DLG2: variants seen among roughly 807,000 people sequenced by gnomAD.
DLG2 encodes discs large MAGUK scaffold protein 2.
Under a neutral mutation model 132.5 loss-of-function variants are expected in DLG2, and 45 were observed. That is an observed-to-expected ratio of 0.34 (90% confidence interval 0.27 to 0.44). The LOEUF (loss-of-function observed/expected upper bound fraction) is 0.44, where lower values mean the gene tolerates loss of function less well. Among genes scored for constraint, DLG2 ranks in the 20% least tolerant of loss-of-function variants. DLG2 has a pLI of 1.00. For missense variants in DLG2, 1,045 were observed against 1,196.9 expected, an observed-to-expected ratio of 0.87 and a Z score of 1.87; for synonymous variants, 424 against 419.6, an observed-to-expected ratio of 1.01 and a Z score of -0.13.
chr11:84,528,261 T>C (rs2099327460), intron 7 of DLG2, among the ~76,000 whole-genome samples: 1 of 152,132 alleles, frequency 6.6e-6, no homozygotes, highest in African/African-American at 2.4e-5. Flanking sequence ...ATCCCCACCT[T>C]GAGGAAAGGA....
At chr11:85,058,763 T>C (rs1183918613) in intron 6 of DLG2, among the ~76,000 whole-genome samples, 1 of 151,378 alleles carries the variant, frequency 6.6e-6, no homozygotes, top group Non-Finnish European at 1.5e-5. Context: ...TATACTATAA[T>C]TAAATGGGGG....
At chr11:83,507,137 C>T (rs2094745942) in intron 21 of DLG2, among the ~76,000 whole-genome samples, 1 of 152,112 alleles carries the variant, frequency 6.6e-6, no homozygotes, top group Non-Finnish European at 1.5e-5. Context: ...AACTCCTTGC[C>T]TCTCACAAAT....
At chr11:84,846,411 T>G (rs113083358) in intron 6 of DLG2, among the ~76,000 whole-genome samples, 4,681 of 152,278 alleles carry the variant, frequency 0.031, 106 homozygotes, top group Non-Finnish European at 0.048. Flanking sequence ...TCCCTATTAC[T>G]CATCCTTCAC....
intron 6 of DLG2, among the ~76,000 whole-genome samples, chr11:84,610,663 C>T (rs2099593800): frequency 6.6e-6 from 1 of 152,114 alleles, no homozygotes; most frequent in Non-Finnish European, 1.5e-5. Flanking sequence ...TGACAGTGTC[C>T]TTGCCCTCCT....
intron 18 of DLG2, among the ~76,000 whole-genome samples, chr11:83,762,444 G>A (rs1400020467): frequency 6.6e-6 from 1 of 152,124 alleles, no homozygotes; most frequent in African/African-American, 2.4e-5. Context: ...CTCACATTTT[G>A]TTCTAAAGAT....
intron 4 of DLG2, among the ~76,000 whole-genome samples, chr11:85,176,334 G>T (rs1016389140): frequency 6.6e-6 from 1 of 152,008 alleles, no homozygotes; most frequent in African/African-American, 2.4e-5. Flanking sequence ...TCTGACCTTC[G>T]ACAAACCTGA....
rs181352232 is a variant in DLG2 at position 84,726,851 on chromosome 11, C to A, written c.358-192120G>T. 3.3e-5 allele frequency among the ~76,000 whole-genome samples: 5 copies of A among 152,276 alleles called. No individual in the cohort carries two copies. In the East Asian group the frequency reaches 9.7e-4, roughly 29 times the overall value. On this transcript the variant is annotated intron_variant, in intron 6 of 27. Transcript: ENST00000376104. ...GTTTTGATTTGCATTTCTCTAATAACCAGTGATAATGAGCATTTTTCATAT... is the reference window on the plus strand; with the variant it reads ...GTTTTGATTTGCATTTCTCTAATAAACAGTGATAATGAGCATTTTTCATAT...
Position 84,004,918 on chromosome 11 carries a change from G to A in DLG2, c.920-24276C>T, listed in dbSNP as rs375522204. On this transcript the variant is annotated intron_variant, in intron 11 of 27. Coordinates refer to ENST00000376104, the MANE Select transcript of DLG2 (RefSeq NM_001142699.3). ...GAGTCATTTTTTTTTACAGAAATGA[G>A]AAAAAGAATTCTAAAATTTATATAG... Among the ~76,000 whole-genome samples the A allele has an allele frequency of 3.2e-4, 36 of 112,242 alleles. No homozygotes were observed. The East Asian group carries it at 8.1e-3, about 25-fold the overall frequency. The allele number at this position is 112,242 out of a possible 152,430, so 73.6% of individuals were successfully genotyped here.
At chr11:84,757,590 C>A (rs145861555) in intron 6 of DLG2, among the ~76,000 whole-genome samples, 5 of 152,266 alleles carry the variant, frequency 3.3e-5, no homozygotes, top group Non-Finnish European at 7.4e-5. Context: ...AGAGGCACCT[C>A]CTCTCCATCA....
At chr11:85,551,524 C>T (rs1043103734) in intron 3 of DLG2, among the ~76,000 whole-genome samples, 7 of 151,904 alleles carry the variant, frequency 4.6e-5, no homozygotes, top group African/African-American at 1.7e-4. Flanking sequence ...AACTATTATG[C>T]ATATAACTCC....
At chr11:84,467,673 A>T (rs2099098080) in intron 7 of DLG2, among the ~76,000 whole-genome samples, 1 of 151,452 alleles carries the variant, frequency 6.6e-6, no homozygotes, top group Non-Finnish European at 1.5e-5. Context: ...TTATGAAAAA[A>T]ATTGGGATAA....
chr11:84,386,985 TA>T (rs1567492930), intron 7 of DLG2, among the ~76,000 whole-genome samples: 3 of 152,144 alleles, frequency 2.0e-5, no homozygotes, highest in Admixed American at 6.5e-5. Flanking sequence ...ACTGCTTTTG[TA>T]AGCTTCCTTT....
chr11:83,683,946 A>T (rs2079261686), intron 18 of DLG2, among the ~76,000 whole-genome samples: 1 of 152,050 alleles, frequency 6.6e-6, no homozygotes, highest in Non-Finnish European at 1.5e-5. Flanking sequence ...TCTCTGCTTT[A>T]CTTCCACCAT....
chr11:85,238,317 C>T (rs925996035), intron 4 of DLG2, among the ~76,000 whole-genome samples: 1 of 150,844 alleles, frequency 6.6e-6, no homozygotes, highest in African/African-American at 2.4e-5. Flanking sequence ...TATCTTGGCT[C>T]ACTGCAACCT....
chr11:83,908,109 C>A (rs1464270549), intron 15 of DLG2, among the ~76,000 whole-genome samples: 2 of 152,150 alleles, frequency 1.3e-5, no homozygotes, highest in Admixed American at 1.3e-4. Context: ...TTCTTATGCA[C>A]AGTAAAGTGT....
At chr11:84,488,552 AC>A (rs1485090461) in intron 7 of DLG2, among the ~76,000 whole-genome samples, 1 of 152,018 alleles carries the variant, frequency 6.6e-6, no homozygotes, top group African/African-American at 2.4e-5. Context: ...TCCTATTTAA[AC>A]TGCTCTCTTA....
intron 21 of DLG2, among the ~76,000 whole-genome samples, chr11:83,488,317 C>A (rs1245140682): frequency 3.3e-5 from 5 of 151,936 alleles, no homozygotes; most frequent in African/African-American, 1.2e-4. Context: ...TTGTGACAGA[C>A]ATTAGAACAC....
intron 5 of DLG2, among the ~76,000 whole-genome samples, chr11:85,144,367 T>G (rs540743316): frequency 1.5e-5 from 2 of 129,910 alleles, no homozygotes; most frequent in South Asian, 4.8e-4. Flanking sequence ...TTTTTTTTTA[T>G]CAGTTTAGCC....
At chr11:83,630,590 C>T (rs1282692438) in intron 19 of DLG2, among the ~76,000 whole-genome samples, 1 of 152,122 alleles carries the variant, frequency 6.6e-6, no homozygotes, top group Non-Finnish European at 1.5e-5. Context: ...CTCCTTATTC[C>T]TTAATCAAAG....
Sources: gnomAD v4.1 joint callset for allele counts (sites outside exome capture counted in the v4.1 genomes callset) on GRCh38, gnomAD v4.1.1 for gene constraint, MANE v1.5 for transcripts, NCBI Gene and HGNC (gene_info 2026-07-23, HGNC 2026-07-21) for gene names.